Variants in DTNB observed in about 807,000 individuals in gnomAD.
DTNB encodes the protein DTN-B.
Under a neutral mutation model 90.7 loss-of-function variants are expected in DTNB, and 63 were observed. The ratio of observed to expected loss-of-function variants is 0.69; its 90% CI spans 0.57 to 0.86. DTNB has a LOEUF of 0.86. Ranked by LOEUF, DTNB falls within the 40% of genes least tolerant of loss-of-function variation. The pLI is 0.00. For missense variants in DTNB, 744 were observed against 807.1 expected (o/e 0.92, Z 0.95); for synonymous variants, 277 against 286.7 (o/e 0.97, Z 0.34).
intron 3 of DTNB, among the ~76,000 whole-genome samples, chr2:25,631,668 CA>C (rs952405995): frequency 2.0e-5 from 3 of 151,186 alleles, no homozygotes; most frequent in Admixed American, 6.6e-5. Context: ...ACATATAAAA[CA>C]AAAATAAACA....
chr2:25,487,972 C>T (rs931239318), intron 9 of DTNB, among the ~76,000 whole-genome samples: 7 of 152,186 alleles, frequency 4.6e-5, no homozygotes, highest in Admixed American at 6.5e-5. Flanking sequence ...AAAGCTCACT[C>T]CAGAATCTTG....
rs58950790 is a variant in DTNB at position 25,616,630 on chromosome 2, T to TAAAAAAAAA, written c.363-9318_363-9310dup. Among the ~76,000 whole-genome samples the TAAAAAAAAA allele has an allele frequency of 3.6e-3, 427 of 117,638 alleles. 26 individuals carry two copies. The highest frequency in any genetic ancestry group is 9.3e-3 in the African/African-American group (271 of 29,186). The allele number at this position is 117,638 out of a possible 152,430, so 77.2% of individuals were successfully genotyped here. A position where few individuals can be genotyped will look rare whatever the true frequency, so the allele number is the denominator to read the frequency against. On this transcript the variant is annotated intron_variant, in intron 4 of 20. Transcript: ENST00000406818. ...ATAATCTAGATCAGGCTATTTATAG[T>TAAAAAAAAA]AAAAAAAAAAAAAAAGACTTGGCCG...
intron 10 of DTNB, among the ~76,000 whole-genome samples, chr2:25,469,104 T>C (rs1443395184): frequency 6.6e-6 from 1 of 152,326 alleles, no homozygotes; most frequent in East Asian, 1.9e-4. Flanking sequence ...CTGACATTAA[T>C]CAAGTATTTA....
At chr2:25,486,200 C>T (rs1425278908) in intron 9 of DTNB, among the ~76,000 whole-genome samples, 2 of 152,040 alleles carry the variant, frequency 1.3e-5, no homozygotes, top group African/African-American at 2.4e-5. Context: ...CAGTGGCTCA[C>T]GTCTATAAAA....
intron 1 of DTNB, among the ~76,000 whole-genome samples, chr2:25,671,244 T>A (rs1440379014): frequency 6.6e-6 from 1 of 152,240 alleles, no homozygotes; most frequent in African/African-American, 2.4e-5. Context: ...CATCCACTGG[T>A]GCTCTTGGAA....
chr2:25,460,033 T>A (rs926879899), intron 10 of DTNB, among the ~76,000 whole-genome samples: 11 of 152,162 alleles, frequency 7.2e-5, no homozygotes, highest in African/African-American at 2.7e-4. Flanking sequence ...ACTGCAATCT[T>A]CCAGGTGAGA....
intron 12 of DTNB, among the ~76,000 whole-genome samples, chr2:25,448,630 G>T (rs879519301): frequency 2.0e-5 from 3 of 151,966 alleles, no homozygotes; most frequent in Non-Finnish European, 2.9e-5. Flanking sequence ...CGAGGCAGGC[G>T]GATCATGAGG....
At chr2:25,513,673 A>C (rs2150715010) in intron 9 of DTNB, among the ~76,000 whole-genome samples, 1 of 151,510 alleles carries the variant, frequency 6.6e-6, no homozygotes, top group East Asian at 1.9e-4. Flanking sequence ...CAGTAACCCG[A>C]GATCACACCA....
At chr2:25,383,135 A>C (rs1452619161) in intron 19 of DTNB, among the ~76,000 whole-genome samples, 1 of 151,366 alleles carries the variant, frequency 6.6e-6, no homozygotes, top group Non-Finnish European at 1.5e-5. Context: ...AGAAACCCTT[A>C]TTATACTTAT....
intron 14 of DTNB, among the ~76,000 whole-genome samples, chr2:25,429,391 C>G (rs1016711204): frequency 6.6e-6 from 1 of 152,158 alleles, no homozygotes; most frequent in African/African-American, 2.4e-5. Flanking sequence ...ACCACACCTC[C>G]TATCTTATGC....
intron 14 of DTNB, among the ~76,000 whole-genome samples, chr2:25,429,030 C>T (rs989273133): frequency 4.6e-5 from 7 of 152,264 alleles, no homozygotes; most frequent in African/African-American, 1.7e-4. Flanking sequence ...CCTGTGCAAT[C>T]GAGACCTACG....
chr2:25,473,238 T>C (rs2063142840), intron 10 of DTNB, among the ~76,000 whole-genome samples: 1 of 152,242 alleles, frequency 6.6e-6, no homozygotes, highest in Admixed American at 6.5e-5. Context: ...TGAAATATTT[T>C]ACTAGTTTGG....
At chr2:25,666,904 C>T (rs1383587570) in intron 1 of DTNB, among the ~76,000 whole-genome samples, 2 of 152,068 alleles carry the variant, frequency 1.3e-5, no homozygotes, top group Admixed American at 6.6e-5. Flanking sequence ...AATACTGCTG[C>T]CAATCTCTGC....
chr2:25,554,375 A>ATT (rs970107419), intron 8 of DTNB, among the ~76,000 whole-genome samples: 2 of 148,404 alleles, frequency 1.3e-5, no homozygotes. Context: ...TCATAGTCTC[A>ATT]TTTTTTTTTT....
At chr2:25,530,484 G>A (rs1286068593) in intron 9 of DTNB, among the ~76,000 whole-genome samples, 1 of 152,046 alleles carries the variant, frequency 6.6e-6, no homozygotes, top group East Asian at 1.9e-4. Context: ...GTCAAGAAAT[G>A]GTGCTCCAAA....
chr2:25,448,945 T>A (rs1486319356), intron 12 of DTNB, among the ~76,000 whole-genome samples: 3 of 152,178 alleles, frequency 2.0e-5, no homozygotes, highest in Non-Finnish European at 4.4e-5. Flanking sequence ...ATGTGGAATA[T>A]TTCTATCAAG....
At chr2:25,634,448 C>A (rs1474775614) in intron 3 of DTNB, among the ~76,000 whole-genome samples, 2 of 150,700 alleles carry the variant, frequency 1.3e-5, no homozygotes, top group African/African-American at 4.8e-5. Flanking sequence ...GGTCAGCCCC[C>A]CGCCCGGCCA....
At chr2:25,453,630 T>C (rs2059590083) in intron 11 of DTNB, among the ~76,000 whole-genome samples, 1 of 152,208 alleles carries the variant, frequency 6.6e-6, no homozygotes, top group African/African-American at 2.4e-5. Flanking sequence ...ATTTTTACCA[T>C]GGAAACTTTT....
intron 4 of DTNB, 66 bp downstream of exon 4, chr2:25,628,102 GGAA>G (rs2074785222): frequency 1.3e-6 from 2 of 1,521,568 alleles, no homozygotes; most frequent in Non-Finnish European, 1.8e-6. Context: ...ACGGCAGTAT[GGAA>G]GAAGAATGAT....
Sources: gnomAD v4.1 joint callset for allele counts (sites outside exome capture counted in the v4.1 genomes callset) on GRCh38, gnomAD v4.1.1 for gene constraint, MANE v1.5 for transcripts, NCBI Gene and HGNC (gene_info 2026-07-23, HGNC 2026-07-21) for gene names.